The following ADAMTSL3 variants were observed in gnomAD, a reference collection of about 807,000 sequenced individuals.
ADAMTSL3 encodes ADAMTS like 3, also known as ADAMTS-like protein 3.
ADAMTSL3 carries 128 observed loss-of-function variants against 201.7 expected under a neutral mutation model. The ratio of observed to expected loss-of-function variants is 0.63; its 90% confidence interval spans 0.55 to 0.73. The LOEUF is 0.73. ADAMTSL3 is among the 30% of genes least tolerant of loss of function. The probability of loss-of-function intolerance (pLI) is 0.00; values close to 1 mark genes in which losing one functional copy is unlikely to be tolerated. For synonymous variants in ADAMTSL3, 738 were observed against 748.4 expected (o/e 0.99, Z 0.23); for missense variants, 1,990 against 2,119.6 (o/e 0.94, Z 1.20).
intron 3 of ADAMTSL3, among the ~76,000 whole-genome samples, chr15:83,754,419 G>A (rs903521339): frequency 1.3e-5 from 2 of 152,028 alleles, no homozygotes; most frequent in Non-Finnish European, 2.9e-5. Context: ...CTGAATTTGG[G>A]CCTTAGGTTT....
intron 5 of ADAMTSL3, among the ~76,000 whole-genome samples, chr15:83,819,099 G>A (rs544044069): frequency 5.9e-5 from 9 of 152,104 alleles, no homozygotes; most frequent in African/African-American, 1.9e-4. Flanking sequence ...GTGAAACCCC[G>A]TCTCTACTAG....
At chr15:83,991,349 A>C in intron 23 of ADAMTSL3, 135 bp downstream of exon 23, 1 of 1,314,648 alleles carries the variant, frequency 7.6e-7, no homozygotes, top group Non-Finnish European at 1.1e-6. Context: ...AAGATTTTCC[A>C]GCACACTGAC....
At chr15:83,846,545 C>T (rs2064502090) in intron 7 of ADAMTSL3, among the ~76,000 whole-genome samples, 1 of 152,226 alleles carries the variant, frequency 6.6e-6, no homozygotes, top group South Asian at 2.1e-4. Context: ...CTCAGCCAAC[C>T]CACCCCTTGT....
At chr15:83,927,115 T>C (rs1375546219) in intron 17 of ADAMTSL3, among the ~76,000 whole-genome samples, 1 of 151,716 alleles carries the variant, frequency 6.6e-6, no homozygotes, top group Non-Finnish European at 1.5e-5. Context: ...TTTTCTTTCT[T>C]TCTTTCTTTT....
At chr15:83,844,542 G>T (rs893255348) in intron 7 of ADAMTSL3, among the ~76,000 whole-genome samples, 2 of 152,096 alleles carry the variant, frequency 1.3e-5, no homozygotes, top group Admixed American at 6.5e-5. Context: ...TGAGATTCTG[G>T]CTGGTCATAC....
At chr15:83,900,214 G>A (rs2065697343) in intron 15 of ADAMTSL3, among the ~76,000 whole-genome samples, 1 of 152,178 alleles carries the variant, frequency 6.6e-6, no homozygotes. Context: ...CATGACCTAA[G>A]ACAAGTCTAA....
intron 7 of ADAMTSL3, among the ~76,000 whole-genome samples, chr15:83,855,506 T>A (rs1005330022): frequency 6.6e-6 from 1 of 152,142 alleles, no homozygotes; most frequent in African/African-American, 2.4e-5. Flanking sequence ...GGTCAAATAA[T>A]AATTGGGAAT....
At chr15:83,744,718 T>G (rs2141651001) in intron 3 of ADAMTSL3, among the ~76,000 whole-genome samples, 1 of 152,312 alleles carries the variant, frequency 6.6e-6, no homozygotes, top group Admixed American at 6.5e-5. Flanking sequence ...AACTTAAATT[T>G]TGTATCCTTT....
intron 3 of ADAMTSL3, among the ~76,000 whole-genome samples, chr15:83,753,443 T>TTAC (rs1217344599): frequency 1.3e-5 from 2 of 152,194 alleles, no homozygotes; most frequent in African/African-American, 4.8e-5. Flanking sequence ...GCTTCTTTCA[T>TTAC]TACTTACTTT....
chr15:83,978,407 T>A (rs1167084205), intron 20 of ADAMTSL3, among the ~76,000 whole-genome samples: 1 of 151,678 alleles, frequency 6.6e-6, no homozygotes, highest in Non-Finnish European at 1.5e-5. Flanking sequence ...GAGGGATGGG[T>A]TAATGCTCTT....
In ADAMTSL3 at chr15:83,906,617, A is replaced by C. The variant is rs1212069825; in HGVS notation, c.1701-6475A>C. 7.6e-4 allele frequency among the ~76,000 whole-genome samples: 19 copies of C among 25,154 alleles called. No homozygotes were observed. In the East Asian group the frequency reaches 0.017, roughly 23 times the overall value. 16.5% of individuals were successfully genotyped at this position (25,154 alleles called of 152,430 possible). A position where few individuals can be genotyped will look rare whatever the true frequency, so the allele number is the denominator to read the frequency against. On this transcript the variant is annotated intron_variant, in intron 15 of 29. Transcript: ENST00000286744. ...TGTATCTATATATTTATATAGTGCC[A>C]CACACCACACACACACACACACACA...
intron 3 of ADAMTSL3, among the ~76,000 whole-genome samples, chr15:83,723,998 A>C (rs928541729): frequency 6.6e-6 from 1 of 152,048 alleles, no homozygotes; most frequent in Non-Finnish European, 1.5e-5. Flanking sequence ...ATGGACATCC[A>C]AGGCTCAATA....
chr15:83,818,471 C>G, intron 5 of ADAMTSL3, among the ~76,000 whole-genome samples: 1 of 152,292 alleles, frequency 6.6e-6, no homozygotes, highest in African/African-American at 2.4e-5. Flanking sequence ...GGACTACAGG[C>G]ATGCGCCACC....
At chr15:83,951,457 C>T (rs1458330163) in intron 19 of ADAMTSL3, among the ~76,000 whole-genome samples, 2 of 151,824 alleles carry the variant, frequency 1.3e-5, no homozygotes, top group African/African-American at 4.8e-5. Context: ...GTTCATCAGG[C>T]CCTGTAGTTT....
intron 4 of ADAMTSL3, among the ~76,000 whole-genome samples, chr15:83,790,746 G>A (rs546207482): frequency 1.6e-4 from 24 of 152,218 alleles, no homozygotes; most frequent in African/African-American, 5.5e-4. Flanking sequence ...TTTTGTCTAC[G>A]TAGAAAATCC....
intron 6 of ADAMTSL3, among the ~76,000 whole-genome samples, chr15:83,832,268 C>G (rs1489247727): frequency 6.6e-6 from 1 of 152,160 alleles, no homozygotes; most frequent in Non-Finnish European, 1.5e-5. Flanking sequence ...CTCGCCACCC[C>G]CTGTTCTTAT....
chr15:83,849,056 A>C (rs1042171919), intron 7 of ADAMTSL3, among the ~76,000 whole-genome samples: 10 of 152,198 alleles, frequency 6.6e-5, no homozygotes, highest in African/African-American at 2.4e-4. Flanking sequence ...ATCAACAACA[A>C]ATCTAGGTGT....
intron 4 of ADAMTSL3, among the ~76,000 whole-genome samples, chr15:83,782,208 G>A (rs1458375228): frequency 6.6e-6 from 1 of 152,164 alleles, no homozygotes; most frequent in Non-Finnish European, 1.5e-5. Context: ...CAGGTGTGCT[G>A]GCTCATGCCT....
chr15:83,739,952 G>C, intron 3 of ADAMTSL3: 1 of 530,404 alleles, frequency 1.9e-6, no homozygotes, highest in Non-Finnish European at 3.8e-6. Flanking sequence ...AGTGAGATGG[G>C]TACTGGCAAG....
Sources: allele counts gnomAD v4.1 joint callset (sites outside exome capture counted in the v4.1 genomes callset), GRCh38; gene constraint gnomAD v4.1.1; transcripts MANE v1.5; gene names NCBI Gene and HGNC (gene_info 2026-07-23, HGNC 2026-07-21).